The following ZMYM2 variants were observed in gnomAD, a reference collection of about 807,000 sequenced individuals.
ZMYM2 encodes the protein zinc finger MYM-type protein 2.
In ZMYM2, 56 loss-of-function variants were observed where a neutral mutation model predicts 162.8. The observed-to-expected ratio is 0.34, with a 90% confidence interval of 0.28 to 0.43. ZMYM2 has a LOEUF of 0.43. Ranked by LOEUF, ZMYM2 falls within the 20% of genes least tolerant of loss-of-function variation. The pLI is 1.00. For synonymous variants in ZMYM2, 510 were observed against 541.6 expected, an observed-to-expected ratio of 0.94 and a Z score of 0.81; for missense variants, 1,275 against 1,621.8, an observed-to-expected ratio of 0.79 and a Z score of 3.67.
intron 21 of ZMYM2, among the ~76,000 whole-genome samples, chr13:20,073,101 C>T (rs186842437): frequency 1.1e-3 from 166 of 152,030 alleles, no homozygotes; most frequent in African/African-American, 3.9e-3. Flanking sequence ...AGAGACAGGA[C>T]TTCACCACGT....
intron 2 of ZMYM2, among the ~76,000 whole-genome samples, chr13:19,981,321 C>A (rs1260738851): frequency 1.3e-5 from 2 of 151,714 alleles, no homozygotes; most frequent in African/African-American, 4.9e-5. Flanking sequence ...AAACAAAAAA[C>A]AAACCCCAAA....
chr13:19,933,041 T>C, the ZMYM2 span, among the ~76,000 whole-genome samples: 1 of 152,178 alleles, frequency 6.6e-6, no homozygotes, highest in Non-Finnish European at 1.5e-5. Flanking sequence ...CTTGAACACC[T>C]GGGCTCAAGT....
chr13:19,880,201 CT>C, the ZMYM2 span, among the ~76,000 whole-genome samples: 1 of 152,124 alleles, frequency 6.6e-6, no homozygotes, highest in African/African-American at 2.4e-5. Context: ...GAGCTAATTC[CT>C]ATAATAAAGA....
At chr13:19,992,127 A>T (rs1487643494) in intron 2 of ZMYM2, among the ~76,000 whole-genome samples, 1 of 152,222 alleles carries the variant, frequency 6.6e-6, no homozygotes, top group Non-Finnish European at 1.5e-5. Context: ...TGGGATATAA[A>T]GCACACAGCA....
intron 6 of ZMYM2, among the ~76,000 whole-genome samples, chr13:20,009,816 C>T (rs894104372): frequency 3.9e-5 from 6 of 152,156 alleles, no homozygotes; most frequent in African/African-American, 1.4e-4. Flanking sequence ...TTTGTTGTCC[C>T]TATGATAGAT....
intron 23 of ZMYM2, among the ~76,000 whole-genome samples, chr13:20,083,233 T>C (rs1958026692): frequency 6.6e-6 from 1 of 152,124 alleles, no homozygotes; most frequent in Non-Finnish European, 1.5e-5. Context: ...TGGCTAACTT[T>C]GTATTTTTAG....
the ZMYM2 span, among the ~76,000 whole-genome samples, chr13:19,946,556 C>T: frequency 9.4e-4 from 143 of 152,312 alleles, no homozygotes; most frequent in African/African-American, 3.1e-3. Flanking sequence ...ATCTAGCTCT[C>T]GATCGCACTT....
intron 19 of ZMYM2, among the ~76,000 whole-genome samples, chr13:20,065,479 T>G (rs1448197143): frequency 6.6e-6 from 1 of 152,112 alleles, no homozygotes; most frequent in Non-Finnish European, 1.5e-5. Context: ...TTAAAAACTT[T>G]TGCATTGCAA....
At chr13:20,013,984 G>T (rs1472927877) in intron 6 of ZMYM2, among the ~76,000 whole-genome samples, 2 of 152,124 alleles carry the variant, frequency 1.3e-5, no homozygotes, top group East Asian at 1.9e-4. Context: ...ATTTTTGGAA[G>T]CGTGGGAATT....
the ZMYM2 span, among the ~76,000 whole-genome samples, chr13:19,906,325 T>TATATATATATATA: frequency 8.0e-6 from 1 of 125,226 alleles, no homozygotes; most frequent in African/African-American, 2.9e-5. Flanking sequence ...TATATATATG[T>TATATATATATATA]TGTATGTATG....
At chr13:19,963,635 T>A (rs1197313692) in intron 2 of ZMYM2, among the ~76,000 whole-genome samples, 1 of 152,182 alleles carries the variant, frequency 6.6e-6, no homozygotes, top group Non-Finnish European at 1.5e-5. Context: ...GTCTTTATGG[T>A]CATCACCAAA....
intron 3 of ZMYM2, among the ~76,000 whole-genome samples, chr13:19,997,074 A>G (rs1950070748): frequency 6.6e-6 from 1 of 152,142 alleles, no homozygotes; most frequent in Non-Finnish European, 1.5e-5. Flanking sequence ...GACCACTATC[A>G]ATGCTTTGGG....
the ZMYM2 span, among the ~76,000 whole-genome samples, chr13:19,947,250 C>T: frequency 6.6e-6 from 1 of 151,580 alleles, no homozygotes; most frequent in Non-Finnish European, 1.5e-5. Flanking sequence ...TTAGTAAAGA[C>T]GGGGTTTCAC....
rs1406058380 is a variant in ZMYM2 at position 20,058,713 on chromosome 13, G to A, written c.2623+9G>A. 1 of 1,612,674 alleles carries A rather than the reference G, an allele frequency of 6.2e-7. No individual in the cohort carries two copies. The highest frequency in any genetic ancestry group is 1.1e-5 in the South Asian group (1 of 90,898). The stretch of plus-strand genomic sequence containing the variant: ...CAAATCTTGTCAGACAGGTAACTTA[G>A]GACAATGTGACTTACATACTTCCCC... On this transcript the variant is annotated intron_variant, in intron 15 of 24. Coordinates refer to ENST00000610343, the MANE Select transcript of ZMYM2 (RefSeq NM_197968.4).
chr13:19,962,515 A>ATATTT (rs1371972440), intron 2 of ZMYM2, among the ~76,000 whole-genome samples: 24 of 38,932 alleles, frequency 6.2e-4, no homozygotes, highest in Admixed American at 1.0e-3. Context: ...ATATATATAT[A>ATATTT]TTTTTTTTTT....
chr13:20,076,524 C>G (rs1242172789), intron 21 of ZMYM2, among the ~76,000 whole-genome samples: 1 of 150,358 alleles, frequency 6.7e-6, no homozygotes, highest in South Asian at 2.1e-4. Context: ...ATTGCCCCAT[C>G]GTTTATCTTT....
At chr13:19,983,147 C>CTTTTTTTTTT (rs536615645) in intron 2 of ZMYM2, among the ~76,000 whole-genome samples, 1 of 141,984 alleles carries the variant, frequency 7.0e-6, no homozygotes. Flanking sequence ...CCCACTTTCA[C>CTTTTTTTTTT]TTTTTTTTTT....
chr13:19,958,225 G>GC (rs1954693975), upstream of ZMYM2, among the ~76,000 whole-genome samples: 2 of 152,178 alleles, frequency 1.3e-5, no homozygotes, highest in Non-Finnish European at 2.9e-5. Context: ...CCTCGCAGGG[G>GC]CCTTCAAGCA....
At chr13:20,003,437 A>T (rs983943308) in intron 4 of ZMYM2, among the ~76,000 whole-genome samples, 1 of 152,188 alleles carries the variant, frequency 6.6e-6, no homozygotes, top group African/African-American at 2.4e-5. Flanking sequence ...TTTATGCGTG[A>T]TTCTGTGTTA....
Sources: gnomAD v4.1 joint callset for allele counts (sites outside exome capture counted in the v4.1 genomes callset) on GRCh38, gnomAD v4.1.1 for gene constraint, MANE v1.5 for transcripts, NCBI Gene and HGNC (gene_info 2026-07-23, HGNC 2026-07-21) for gene names.